Variants in PIEZO2 observed in about 807,000 individuals in gnomAD.
PIEZO2 encodes the protein piezo type mechanosensitive ion channel component 2, also known as piezo-type mechanosensitive ion channel component 2.
In PIEZO2, 172 loss-of-function variants were observed where a neutral mutation model predicts 337.3. That is an observed-to-expected ratio of 0.51 (90% confidence interval 0.45 to 0.58). The LOEUF (loss-of-function observed/expected upper bound fraction) is 0.58. PIEZO2 is among the 20% of genes least tolerant of loss of function. PIEZO2 has a pLI of 0.00. For synonymous variants in PIEZO2, 1,251 were observed against 1,228.5 expected, an observed-to-expected ratio of 1.02 and a Z score of -0.38; for missense variants, 3,028 against 3,391.3, an observed-to-expected ratio of 0.89 and a Z score of 2.66.
At chr18:10,710,572 A>C (rs147115498) in intron 39 of PIEZO2, among the ~76,000 whole-genome samples, 79 of 152,366 alleles carry the variant, frequency 5.2e-4, no homozygotes, top group African/African-American at 1.9e-3. Context: ...AACCGTGACT[A>C]TTCTCGTAAG....
chr18:10,818,173 T>C (rs1163003888), intron 7 of PIEZO2, among the ~76,000 whole-genome samples: 1 of 152,170 alleles, frequency 6.6e-6, no homozygotes, highest in East Asian at 1.9e-4. Flanking sequence ...TACTTCACGT[T>C]CCTTGTCATC....
Position 11,094,374 on chromosome 18 carries a change from C to G in PIEZO2, c.65-28152G>C, listed in dbSNP as rs553399853. On this transcript the variant is annotated intron_variant, in intron 1 of 55. Transcript: ENST00000674853. This position sits in a 1 kb window ranked among gnomAD's most constrained non-coding sequence, Gnocchi z 4.4. ...GAGAAAAAGTAGTTTCAGTAGGACT[C>G]AAAACCAGGGCTTTGAGTCAAGTTA... 7.9e-5 allele frequency among the ~76,000 whole-genome samples: 12 copies of G among 152,256 alleles called. No homozygotes were observed. The South Asian group carries it at 2.3e-3, about 29-fold the overall frequency.
chr18:10,842,295 T>C (rs1174946785), intron 7 of PIEZO2, among the ~76,000 whole-genome samples: 5 of 152,220 alleles, frequency 3.3e-5, no homozygotes, highest in Non-Finnish European at 7.3e-5. Context: ...GTTTGGATGT[T>C]TGTCCCCTCC....
At chr18:10,987,255 A>C (rs2034910508) in intron 2 of PIEZO2, among the ~76,000 whole-genome samples, 1 of 152,154 alleles carries the variant, frequency 6.6e-6, no homozygotes, top group Non-Finnish European at 1.5e-5. Flanking sequence ...TAGCTAAAGC[A>C]ATCTTGAGGA....
chr18:11,036,210 T>C (rs534181674), intron 2 of PIEZO2, among the ~76,000 whole-genome samples: 2 of 152,328 alleles, frequency 1.3e-5, no homozygotes, highest in African/African-American at 4.8e-5. Flanking sequence ...CTTTGGTTAT[T>C]TTACTTGCTG....
rs2040198545 is a variant in PIEZO2 at position 11,126,916 on chromosome 18, G to T, written c.64+21609C>A. On this transcript the variant is annotated intron_variant, in intron 1 of 55. Transcript: ENST00000674853. This position sits in a 1 kb window ranked among gnomAD's most constrained non-coding sequence, Gnocchi z 4.6. ...TGAACACACTGGTGTCATTTCCATT[G>T]CTGTTGTGTGAACATTTAAGGCAAT... 6.6e-6 allele frequency among the ~76,000 whole-genome samples: 1 copy of T among 152,096 alleles called. No individual in the cohort carries two copies. The highest frequency in any genetic ancestry group is 2.4e-5 in the African/African-American group (1 of 41,406).
chr18:10,893,445 C>A (rs1598641992), intron 4 of PIEZO2, among the ~76,000 whole-genome samples: 1 of 151,366 alleles, frequency 6.6e-6, no homozygotes, highest in South Asian at 2.1e-4. Flanking sequence ...CAAATATTGA[C>A]CCCTCTTTAA....
intron 32 of PIEZO2, among the ~76,000 whole-genome samples, chr18:10,741,941 C>G (rs1055424910): frequency 5.9e-5 from 9 of 152,026 alleles, no homozygotes; most frequent in African/African-American, 2.2e-4. Context: ...ATCACGAGGT[C>G]AGGAGATCGA....
chr18:10,946,145 A>T (rs2033007630), intron 3 of PIEZO2, among the ~76,000 whole-genome samples: 1 of 152,178 alleles, frequency 6.6e-6, no homozygotes, highest in Non-Finnish European at 1.5e-5. Context: ...AAGAAAGATA[A>T]AGAAAATCAC....
chr18:10,738,631 C>T (rs551080953), intron 33 of PIEZO2: 199 of 152,316 alleles, frequency 1.3e-3, no homozygotes, highest in African/African-American at 4.3e-3. Context: ...GATGGCGAAC[C>T]TGACTCCAGC....
chr18:11,107,401 A>C (rs970497896), intron 1 of PIEZO2, among the ~76,000 whole-genome samples: 1 of 152,228 alleles, frequency 6.6e-6, no homozygotes, highest in East Asian at 1.9e-4. Context: ...GAAAATAAAC[A>C]GATAAAATTT....
chr18:10,990,468 C>T (rs908710335), intron 2 of PIEZO2, among the ~76,000 whole-genome samples: 4 of 152,052 alleles, frequency 2.6e-5, no homozygotes, highest in Non-Finnish European at 5.9e-5. Flanking sequence ...TAGATACATA[C>T]TGAACATTCT....
chr18:10,748,633 A>G lies in PIEZO2; in HGVS notation c.4265-3T>C. The G allele has an allele frequency of 1.4e-6, 2 of 1,443,240 alleles. No homozygotes were observed. Among genetic ancestry groups the G allele is most frequent in the Middle Eastern group, 1.8e-4 (1 of 5,598 alleles). The allele number at this position is 1,443,240 out of a possible 1,614,324, so 89.4% of individuals were successfully genotyped here. On this transcript the variant is annotated splice_polypyrimidine_tract_variant and splice_region_variant and intron_variant, in intron 29 of 55. Transcript: ENST00000674853. The surrounding 1 kb of genome is among the most constrained non-coding windows in gnomAD (Gnocchi z 5.1). ...TGTACAGGGTGAATTAGCAGCAGCT[A>G]TAGTAACAGTAGAAAAACACACATT...
intron 30 of PIEZO2, among the ~76,000 whole-genome samples, chr18:10,744,606 T>C (rs1286657596): frequency 1.3e-5 from 2 of 152,046 alleles, no homozygotes; most frequent in Middle Eastern, 3.4e-3. Flanking sequence ...GAGGAGAAAT[T>C]TGCAAAAAGG....
At chr18:10,721,525 T>A (rs573477113) in intron 36 of PIEZO2, among the ~76,000 whole-genome samples, 6,951 of 152,082 alleles carry the variant, frequency 0.046, 520 homozygotes, top group African/African-American at 0.16. Context: ...AAATTTTTGT[T>A]CTGATCCAAA....
rs1489623740 is a variant in PIEZO2, at chr18:10,855,814, T to C, written c.704-248A>G. On this transcript the variant is annotated intron_variant, in intron 6 of 55. Transcript: ENST00000674853. This position sits in a 1 kb window ranked among gnomAD's most constrained non-coding sequence, Gnocchi z 4.9. ...ACCAGATGATTAAAAAAATTCCACCTGTGGCGTCTGAACTAAGTAAATGTC... is the reference window on the plus strand; with the variant it reads ...ACCAGATGATTAAAAAAATTCCACCCGTGGCGTCTGAACTAAGTAAATGTC... Among the ~76,000 whole-genome samples the C allele has an allele frequency of 6.6e-6, 1 of 152,216 alleles. No homozygotes were observed. Among genetic ancestry groups the C allele is most frequent in the Non-Finnish European group, 1.5e-5 (1 of 68,040 alleles).
At chr18:10,849,739 C>T (rs1011954320) in intron 7 of PIEZO2, among the ~76,000 whole-genome samples, 2 of 152,212 alleles carry the variant, frequency 1.3e-5, no homozygotes, top group African/African-American at 4.8e-5. Flanking sequence ...TTGCTGTCTA[C>T]TGAAATTCCC....
chr18:11,106,264 T>TTTA (rs1296999848), intron 1 of PIEZO2, among the ~76,000 whole-genome samples: 6 of 134,734 alleles, frequency 4.5e-5, no homozygotes, highest in Non-Finnish European at 7.9e-5. Context: ...TTTTTTGTAT[T>TTTA]TTTTTTTTTT....
rs376799637 is a variant in PIEZO2 at position 11,001,485 on chromosome 18, C to A, written c.161-21825G>T. ...CTTCACTGTCAGACAGTGAAAATCA[C>A]GACTGTGATTATCCTCCAGTCCCCT... is the stretch of plus-strand genomic sequence containing the variant. On this transcript the variant is annotated intron_variant, in intron 2 of 55. Transcript: ENST00000674853. This position sits in a 1 kb window ranked among gnomAD's most constrained non-coding sequence, Gnocchi z 5.3. Among the ~76,000 whole-genome samples, 2 of 152,098 alleles carry A rather than the reference C, an allele frequency of 1.3e-5. No individual in the cohort carries two copies. The highest frequency in any genetic ancestry group is 4.8e-5 in the African/African-American group (2 of 41,420).
Sources: allele counts gnomAD v4.1 joint callset (sites outside exome capture counted in the v4.1 genomes callset), GRCh38; gene constraint gnomAD v4.1.1; non-coding constraint Gnocchi (gnomAD v3.1); transcripts MANE v1.5; gene names NCBI Gene and HGNC (gene_info 2026-07-23, HGNC 2026-07-21).